HTR1F: variants seen among roughly 807,000 people sequenced by gnomAD.
HTR1F encodes the protein 5-hydroxytryptamine receptor 1F.
Under a neutral mutation model 24.0 loss-of-function variants are expected in HTR1F, and 17 were observed. That is an observed-to-expected ratio of 0.71 (90% CI 0.48 to 1.06). The LOEUF is 1.06. Among genes scored for constraint, HTR1F ranks in the 50% least tolerant of loss-of-function variants. The pLI, the probability that HTR1F is intolerant of heterozygous loss-of-function variation, is 0.00. For missense variants in HTR1F, 391 were observed against 427.8 expected (o/e 0.91, Z 0.76); for synonymous variants, 186 against 156.8 (o/e 1.19, Z -1.39).
chr3:87,930,440 T>C (rs1704234378), intron 2 of HTR1F, among the ~76,000 whole-genome samples: 1 of 152,196 alleles, frequency 6.6e-6, no homozygotes, highest in Non-Finnish European at 1.5e-5. Flanking sequence ...TGGCTCTTAA[T>C]GTTTTGAGGT....
chr3:87,940,258 A>T (rs1704536437), intron 2 of HTR1F, among the ~76,000 whole-genome samples: 1 of 152,088 alleles, frequency 6.6e-6, no homozygotes, highest in African/African-American at 2.4e-5. Context: ...TTCTTTTGCC[A>T]TTTGCTGAGG....
At chr3:87,830,511 T>G (rs2107150350) in intron 2 of HTR1F, among the ~76,000 whole-genome samples, 1 of 152,322 alleles carries the variant, frequency 6.6e-6, no homozygotes, top group East Asian at 1.9e-4. Flanking sequence ...ACTATCTCAT[T>G]TTCCTATGCT....
intron 2 of HTR1F, among the ~76,000 whole-genome samples, chr3:87,952,221 C>T (rs1704849508): frequency 6.6e-6 from 1 of 152,012 alleles, no homozygotes; most frequent in Non-Finnish European, 1.5e-5. Context: ...ATTTTACTAA[C>T]TTGCAACAAC....
At chr3:87,981,448 G>A (rs1263884439) in intron 2 of HTR1F, among the ~76,000 whole-genome samples, 5 of 152,170 alleles carry the variant, frequency 3.3e-5, no homozygotes, top group African/African-American at 1.2e-4. Flanking sequence ...GCCCACCTCA[G>A]CCTCCCAAAG....
chr3:87,881,891 G>C (rs937036341), intron 2 of HTR1F, among the ~76,000 whole-genome samples: 1 of 152,168 alleles, frequency 6.6e-6, no homozygotes, highest in Non-Finnish European at 1.5e-5. Context: ...CTTCTGCACA[G>C]CAAAAGAAAC....
chr3:87,818,329 C>A (rs1435743883), intron 1 of HTR1F, among the ~76,000 whole-genome samples: 2 of 152,146 alleles, frequency 1.3e-5, no homozygotes, highest in Non-Finnish European at 2.9e-5. Context: ...GACAGTGGAG[C>A]AGCTTCAGGC....
At chr3:87,897,619 A>G (rs1421923938) in intron 2 of HTR1F, among the ~76,000 whole-genome samples, 1 of 152,132 alleles carries the variant, frequency 6.6e-6, no homozygotes, top group Non-Finnish European at 1.5e-5. Context: ...TATGGCATAT[A>G]AAACCCTTCA....
chr3:87,835,014 A>C (rs1234496922), intron 2 of HTR1F, among the ~76,000 whole-genome samples: 2 of 152,180 alleles, frequency 1.3e-5, no homozygotes, highest in African/African-American at 4.8e-5. Flanking sequence ...TTGCCCAGAG[A>C]GCTACAAAAT....
At chr3:87,962,470 A>G (rs1427190255) in intron 2 of HTR1F, among the ~76,000 whole-genome samples, 1 of 152,116 alleles carries the variant, frequency 6.6e-6, no homozygotes, top group Admixed American at 6.6e-5. Flanking sequence ...CAGAGACGAC[A>G]TGAACTTCAT....
intron 2 of HTR1F, among the ~76,000 whole-genome samples, chr3:87,923,457 G>A (rs1276356064): frequency 6.6e-6 from 1 of 151,362 alleles, no homozygotes; most frequent in African/African-American, 2.4e-5. Context: ...AGATTTTTTT[G>A]GTCCTTGATT....
Position 87,991,224 on chromosome 3 carries a change from C to T in HTR1F, c.475C>T (p.Leu159=). The T allele has an allele frequency of 6.2e-7, 1 of 1,613,574 alleles. No homozygotes were observed. Among genetic ancestry groups the T allele is most frequent in the Non-Finnish European group, 8.5e-7 (1 of 1,179,592 alleles). ...ATCTGTTTTTATCTCTATGCCTCCT[C>T]TATTCTGGAGGCACCAAGGAACTAG... ...IISVFISMPP[L]FWRHQGTSRD... The change falls in exon 3 of 3, where the codon CTA becomes TTA. Residue 159 remains leucine (L), a synonymous_variant. Transcript: ENST00000319595.
chr3:87,881,193 G>C (rs1349766953), intron 2 of HTR1F, among the ~76,000 whole-genome samples: 2 of 152,226 alleles, frequency 1.3e-5, no homozygotes, highest in African/African-American at 4.8e-5. Context: ...AGCCGTGACA[G>C]ACTGTACCTG....
rs1301761531 is a variant in HTR1F at position 87,958,435 on chromosome 3, C to T, written c.-42-32273C>T. ...CTTTAATTCTGTGTGCCCTTGAGTA[C>T]ACTGACTCCCCAAGTAGGGTTGTTA... On this transcript the variant is annotated intron_variant, in intron 2 of 2. Coordinates refer to ENST00000319595, the MANE Select transcript of HTR1F (RefSeq NM_001322209.2). 2.6e-5 allele frequency among the ~76,000 whole-genome samples: 4 copies of T among 151,668 alleles called. No homozygotes were observed. The East Asian group carries it at 7.7e-4, about 29-fold the overall frequency.
At chr3:87,806,325 A>G (rs1704072907) in intron 1 of HTR1F, among the ~76,000 whole-genome samples, 1 of 152,072 alleles carries the variant, frequency 6.6e-6, no homozygotes, top group African/African-American at 2.4e-5. Flanking sequence ...ACTGTTTTCC[A>G]TAGTGGCTAT....
At chr3:87,849,350 A>C (rs2107200205) in intron 2 of HTR1F, among the ~76,000 whole-genome samples, 2 of 151,712 alleles carry the variant, frequency 1.3e-5, no homozygotes, top group Middle Eastern at 6.8e-3. Flanking sequence ...AAAAACAAGC[A>C]ATGGGGAAAG....
At chr3:87,950,030 G>C (rs370486890) in intron 2 of HTR1F, among the ~76,000 whole-genome samples, 2 of 152,176 alleles carry the variant, frequency 1.3e-5, no homozygotes, top group East Asian at 3.9e-4. Flanking sequence ...AGTCAAAGGG[G>C]AAGCAGGCAT....
At position 87,931,684 on chromosome 3, in the gene HTR1F, A is replaced by G. The variant is rs557989541; in HGVS notation, c.-42-59024A>G. ...CCACCAACAGTGTAAAAGTGTTCCT[A>G]TTTCTGCACATCCTCTCCAGCAGCT... On this transcript the variant is annotated intron_variant, in intron 2 of 2. Coordinates refer to ENST00000319595, the MANE Select transcript of HTR1F (RefSeq NM_001322209.2). Among the ~76,000 whole-genome samples the G allele has an allele frequency of 2.6e-5, 4 of 151,978 alleles. No individual in the cohort carries two copies. The East Asian group carries it at 7.7e-4, about 29-fold the overall frequency.
intron 2 of HTR1F, among the ~76,000 whole-genome samples, chr3:87,884,923 A>G (rs545369167): frequency 6.6e-6 from 1 of 151,256 alleles, no homozygotes; most frequent in South Asian, 2.1e-4. Context: ...CCACTGTCAG[A>G]CAGATCAATG....
chr3:87,853,243 G>T (rs1705128046), intron 2 of HTR1F, among the ~76,000 whole-genome samples: 2 of 151,762 alleles, frequency 1.3e-5, no homozygotes, highest in South Asian at 4.1e-4. Context: ...CCCTCAAGTA[G>T]GGCCCAGTGT....
Sources: gnomAD v4.1 joint callset for allele counts (sites outside exome capture counted in the v4.1 genomes callset) on GRCh38, gnomAD v4.1.1 for gene constraint, MANE v1.5 for transcripts, NCBI Gene and HGNC (gene_info 2026-07-23, HGNC 2026-07-21) for gene names.